PCDHA6: variants seen among roughly 807,000 people sequenced by gnomAD.
The protein encoded by PCDHA6 is protocadherin alpha-6.
PCDHA6 carries 55 observed loss-of-function variants against 60.3 expected under a neutral mutation model. The observed-to-expected ratio is 0.91, with a 90% CI of 0.73 to 1.14. The LOEUF is 1.14. PCDHA6 is among the 50% of genes most tolerant of loss of function. The pLI is 0.00. For synonymous variants in PCDHA6, 652 were observed against 557.9 expected, an observed-to-expected ratio of 1.17 and a Z score of -2.38; for missense variants, 1,327 against 1,256.5, an observed-to-expected ratio of 1.06 and a Z score of -0.85.
intron 1 of PCDHA6, chr5:140,869,588 T>C (rs1404476349): frequency 3.7e-6 from 6 of 1,614,114 alleles, no homozygotes; most frequent in East Asian, 2.2e-5. Context: ...GATGCTGACA[T>C]TGAAGAGAAT....
intron 1 of PCDHA6, chr5:140,871,465 C>T (rs782500075): frequency 5.0e-6 from 8 of 1,602,850 alleles, no homozygotes; most frequent in Non-Finnish European, 6.0e-6. Flanking sequence ...AGGGGAAAGA[C>T]AGGAGCCAGG....
At chr5:140,935,310 C>T (rs569890065) in intron 1 of PCDHA6, among the ~76,000 whole-genome samples, 2 of 152,200 alleles carry the variant, frequency 1.3e-5, no homozygotes, top group Non-Finnish European at 2.9e-5. Flanking sequence ...TACTTAACTT[C>T]ATCAATCTTA....
At chr5:140,976,007 A>G (rs546477565) in intron 1 of PCDHA6, among the ~76,000 whole-genome samples, 55 of 152,354 alleles carry the variant, frequency 3.6e-4, no homozygotes, top group African/African-American at 1.3e-3. Flanking sequence ...TAAGTATTAA[A>G]GAACTAAATA....
At chr5:140,915,105 C>T (rs1554196760) in intron 1 of PCDHA6, among the ~76,000 whole-genome samples, 1 of 152,020 alleles carries the variant, frequency 6.6e-6, no homozygotes, top group East Asian at 1.9e-4. Flanking sequence ...ACCACCACAA[C>T]ACCCACCTAA....
chr5:140,863,123 GCCACCGCCTGCTGGTGCTGGTGAAGGA>G, intron 1 of PCDHA6: 1 of 593,078 alleles, frequency 1.7e-6, no homozygotes, highest in Non-Finnish European at 3.3e-6. Context: ...AAAGCTACGC[GCCACCGCCTGCTGGTGCTGGTGAAGGA>G]CCACTGCGAG....
chr5:140,874,039 GTGA>G (rs1372721490), intron 1 of PCDHA6, among the ~76,000 whole-genome samples: 1 of 152,152 alleles, frequency 6.6e-6, no homozygotes, highest in African/African-American at 2.4e-5. Context: ...AAGAAACTTG[GTGA>G]TGATATTAGA....
At chr5:140,929,379 GT>G (rs1554207046) in intron 1 of PCDHA6, 1 of 1,513,346 alleles carries the variant, frequency 6.6e-7, no homozygotes, top group African/African-American at 1.4e-5. Context: ...GCTGCTAGCT[GT>G]GTTTTGAAAT....
At chr5:140,882,175 G>A in intron 1 of PCDHA6, 1 of 1,515,150 alleles carries the variant, frequency 6.6e-7, no homozygotes. Flanking sequence ...GAATCCTTCC[G>A]CACTAGGAAG....
chr5:140,954,845 C>G (rs1479368081), intron 1 of PCDHA6, among the ~76,000 whole-genome samples: 2 of 152,140 alleles, frequency 1.3e-5, no homozygotes, highest in African/African-American at 2.4e-5. Flanking sequence ...AAATCTTTGC[C>G]TGTGCCTATG....
chr5:140,960,293 T>C (rs990761387), intron 1 of PCDHA6, among the ~76,000 whole-genome samples: 5 of 152,174 alleles, frequency 3.3e-5, no homozygotes, highest in Non-Finnish European at 7.3e-5. Flanking sequence ...ACCCAGTTTC[T>C]TCATCAATAC....
At chr5:140,905,594 G>A (rs62384488) in intron 1 of PCDHA6, among the ~76,000 whole-genome samples, 48,024 of 151,986 alleles carry the variant, frequency 0.32, 7,949 homozygotes, top group East Asian at 0.53. Flanking sequence ...ATTTTGCTGG[G>A]AATTGCATTG....
chr5:140,955,073 C>T (rs2095133365), intron 1 of PCDHA6, among the ~76,000 whole-genome samples: 1 of 152,146 alleles, frequency 6.6e-6, no homozygotes, highest in South Asian at 2.1e-4. Context: ...TGTTGAAGAT[C>T]AGATGGTTGT....
At chr5:140,928,701 G>A (rs782369096) in intron 1 of PCDHA6, 53 of 1,614,014 alleles carry the variant, frequency 3.3e-5, no homozygotes, top group Admixed American at 2.0e-4. Context: ...TCTCCCGGGC[G>A]TCTGACTCTA....
At chr5:140,887,108 T>A (rs2061306818) in intron 1 of PCDHA6, among the ~76,000 whole-genome samples, 1 of 152,084 alleles carries the variant, frequency 6.6e-6, no homozygotes, top group Non-Finnish European at 1.5e-5. Context: ...TCTCTTTTTT[T>A]TTTTTTGAGA....
chr5:140,861,473 T>C (rs2046940252), intron 1 of PCDHA6: 2 of 491,456 alleles, frequency 4.1e-6, no homozygotes. Context: ...ATCTGCAGAA[T>C]GGCATTTTTG....
chr5:140,967,903 A>G, intron 1 of PCDHA6: 1 of 1,614,112 alleles, frequency 6.2e-7, no homozygotes, highest in African/African-American at 1.3e-5. Context: ...AGAATGCTAC[A>G]CCCAACACCA....
chr5:140,886,689 G>C (rs1267444522), intron 1 of PCDHA6, among the ~76,000 whole-genome samples: 5 of 152,022 alleles, frequency 3.3e-5, no homozygotes, highest in African/African-American at 1.2e-4. Flanking sequence ...AGCGAGGCAT[G>C]GTGGCACGCG....
At chr5:140,948,543 T>C (rs1226242016) in intron 1 of PCDHA6, among the ~76,000 whole-genome samples, 2 of 151,702 alleles carry the variant, frequency 1.3e-5, no homozygotes, top group Non-Finnish European at 3.0e-5. Flanking sequence ...TTTCATGCTC[T>C]GTCAATTTTG....
At chr5:140,831,283 T>A (rs1771463407) in intron 1 of PCDHA6, 3 of 152,224 alleles carry the variant, frequency 2.0e-5, no homozygotes, top group Admixed American at 1.3e-4. Flanking sequence ...GGTCTTCTCT[T>A]CATGGAGTCT....
Sources: allele counts gnomAD v4.1 joint callset (sites outside exome capture counted in the v4.1 genomes callset), GRCh38; gene constraint gnomAD v4.1.1; transcripts MANE v1.5; gene names NCBI Gene and HGNC (gene_info 2026-07-23, HGNC 2026-07-21).